Variants in CCDC178 observed in about 807,000 individuals in gnomAD.
CCDC178 encodes coiled-coil domain-containing protein 178.
CCDC178 carries 126 observed loss-of-function variants against 117.4 expected under a neutral mutation model. The observed-to-expected ratio is 1.07, with a 90% confidence interval of 0.93 to 1.24. CCDC178 has a LOEUF of 1.24. CCDC178 is among the 50% of genes most tolerant of loss of function. CCDC178 has a pLI of 0.00. For missense variants in CCDC178, 1,030 were observed against 986.9 expected (o/e 1.04, Z -0.59); for synonymous variants, 283 against 313.4 (o/e 0.90, Z 1.02).
intron 4 of CCDC178, among the ~76,000 whole-genome samples, chr18:33,393,613 G>T (rs1049070685): frequency 6.6e-6 from 1 of 152,012 alleles, no homozygotes; most frequent in Non-Finnish European, 1.5e-5. Flanking sequence ...ATCTGACTTT[G>T]TTTGCTCAAT....
At chr18:33,075,095 T>A (rs73417441) in intron 21 of CCDC178, among the ~76,000 whole-genome samples, 2 of 152,212 alleles carry the variant, frequency 1.3e-5, no homozygotes, top group African/African-American at 4.8e-5. Context: ...CTTAAACAGG[T>A]AGAAAGACAT....
At chr18:32,999,856 G>T (rs1272768553) in intron 21 of CCDC178, among the ~76,000 whole-genome samples, 1 of 152,022 alleles carries the variant, frequency 6.6e-6, no homozygotes, top group Non-Finnish European at 1.5e-5. Flanking sequence ...CCATTCAAAT[G>T]CTTGGAAAAC....
chr18:33,344,803 GCACACACACACACACA>G (rs63067861), intron 9 of CCDC178, among the ~76,000 whole-genome samples: 98 of 120,876 alleles, frequency 8.1e-4, no homozygotes, highest in African/African-American at 2.1e-3. Context: ...TGCCTCTAAA[GCACACACACACACACA>G]CACACACACA....
chr18:33,253,034 T>G (rs2059635333), intron 14 of CCDC178, among the ~76,000 whole-genome samples: 1 of 151,898 alleles, frequency 6.6e-6, no homozygotes, highest in African/African-American at 2.4e-5. Context: ...GCCTATCATG[T>G]GAATAAGCAA....
chr18:33,386,558 G>GCTGGT (rs761182039), intron 5 of CCDC178, among the ~76,000 whole-genome samples: 1 of 151,588 alleles, frequency 6.6e-6, no homozygotes, highest in Admixed American at 6.6e-5. Flanking sequence ...AGGATGCAAG[G>GCTGGT]TCAACATATG....
chr18:33,236,301 A>AGGG (rs2059425906), intron 15 of CCDC178, among the ~76,000 whole-genome samples: 1 of 152,236 alleles, frequency 6.6e-6, no homozygotes, highest in African/African-American at 2.4e-5. Flanking sequence ...GAAAGATAAT[A>AGGG]GGGTCATTAC....
At chr18:33,212,415 T>G (rs1297606124) in intron 19 of CCDC178, among the ~76,000 whole-genome samples, 1 of 151,972 alleles carries the variant, frequency 6.6e-6, no homozygotes, top group Non-Finnish European at 1.5e-5. Context: ...CTCGAGGAAA[T>G]GAGTGAGAAG....
Position 33,226,784 on chromosome 18 carries a change from C to A in CCDC178, c.1656+9G>T, listed in dbSNP as rs376435257. 1.0e-5 allele frequency: 16 copies of A among 1,543,594 alleles called. No homozygotes were observed. Among genetic ancestry groups the A allele is most frequent in the Non-Finnish European group, 8.8e-6 (10 of 1,137,292 alleles). On this transcript the variant is annotated intron_variant, in intron 16 of 22. Transcript: ENST00000383096. Reference sequence around the variant, plus strand: ...GAAGAATAAAATATTAAAACCAAATCAGTATTACCTGAAGCACCATTCCAG... The same window carrying A: ...GAAGAATAAAATATTAAAACCAAATAAGTATTACCTGAAGCACCATTCCAG...
At chr18:32,979,277 T>C (rs917692004) in intron 21 of CCDC178, among the ~76,000 whole-genome samples, 1 of 152,096 alleles carries the variant, frequency 6.6e-6, no homozygotes, top group Middle Eastern at 3.4e-3. Flanking sequence ...TGTCTCAGCC[T>C]CCCGAGTAGC....
chr18:33,296,982 T>C (rs1336275555), intron 11 of CCDC178, among the ~76,000 whole-genome samples: 1 of 152,044 alleles, frequency 6.6e-6, no homozygotes, highest in Non-Finnish European at 1.5e-5. Flanking sequence ...CAAGATTGTG[T>C]CACTGCACTG....
intron 22 of CCDC178, among the ~76,000 whole-genome samples, chr18:32,970,583 A>G (rs1214451901): frequency 6.6e-6 from 1 of 152,006 alleles, no homozygotes; most frequent in East Asian, 1.9e-4. Context: ...GTCATGTTGG[A>G]TCATGTTGTA....
chr18:33,359,689 A>T (rs1599217615), intron 6 of CCDC178, among the ~76,000 whole-genome samples: 1 of 151,772 alleles, frequency 6.6e-6, no homozygotes, highest in East Asian at 1.9e-4. Flanking sequence ...TACCTAATAT[A>T]ATCAATTATA....
intron 22 of CCDC178, among the ~76,000 whole-genome samples, chr18:32,955,057 A>C (rs1277683830): frequency 1.3e-5 from 2 of 152,150 alleles, no homozygotes; most frequent in African/African-American, 4.8e-5. Flanking sequence ...CAATTTCCTC[A>C]GTTCCAGTCA....
intron 21 of CCDC178, among the ~76,000 whole-genome samples, chr18:33,084,672 C>T (rs562762594): frequency 4.0e-5 from 6 of 151,472 alleles, no homozygotes; most frequent in South Asian, 4.2e-4. Flanking sequence ...ATTAGCTGGG[C>T]GGGGTGGTGT....
chr18:33,130,722 G>T (rs1343163246), intron 20 of CCDC178, among the ~76,000 whole-genome samples: 2 of 151,922 alleles, frequency 1.3e-5, no homozygotes, highest in Non-Finnish European at 2.9e-5. Context: ...GTTTGTCTCT[G>T]ATATGTTCTA....
chr18:33,144,706 G>GA (rs1343373693), intron 20 of CCDC178, among the ~76,000 whole-genome samples: 1 of 151,898 alleles, frequency 6.6e-6, no homozygotes, highest in Non-Finnish European at 1.5e-5. Context: ...GCAATTTCAA[G>GA]AAAAAATCAA....
At chr18:33,142,966 T>C (rs890046055) in intron 20 of CCDC178, among the ~76,000 whole-genome samples, 1 of 152,154 alleles carries the variant, frequency 6.6e-6, no homozygotes, top group Non-Finnish European at 1.5e-5. Context: ...AAGCATAATA[T>C]ATTTATCATG....
At chr18:33,400,560 A>G (rs1301201780) in intron 3 of CCDC178, among the ~76,000 whole-genome samples, 1 of 152,154 alleles carries the variant, frequency 6.6e-6, no homozygotes, top group African/African-American at 2.4e-5. Flanking sequence ...TTCATGAACC[A>G]ACTTCTGCAA....
At chr18:33,122,147 G>T (rs2057945184) in intron 20 of CCDC178, among the ~76,000 whole-genome samples, 2 of 152,128 alleles carry the variant, frequency 1.3e-5, no homozygotes, top group African/African-American at 4.8e-5. Context: ...AAAGTGTCCT[G>T]TAGACTTTAG....
Sources: allele counts gnomAD v4.1 joint callset (sites outside exome capture counted in the v4.1 genomes callset), GRCh38; gene constraint gnomAD v4.1.1; transcripts MANE v1.5; gene names NCBI Gene and HGNC (gene_info 2026-07-23, HGNC 2026-07-21).